ANKRD11: variants seen among roughly 807,000 people sequenced by gnomAD.
ANKRD11 encodes the protein ankyrin repeat domain-containing protein 11.
In ANKRD11, 17 loss-of-function variants were observed where a neutral mutation model predicts 195.7. That is an observed-to-expected ratio of 0.09 (90% CI 0.06 to 0.13). ANKRD11 has a LOEUF of 0.13. ANKRD11 is among the 10% of genes least tolerant of loss of function. The pLI, the probability that ANKRD11 is intolerant of heterozygous loss-of-function variation, is 1.00. For synonymous variants in ANKRD11, 1,953 were observed against 1,528.1 expected (o/e 1.28, Z -6.49); for missense variants, 3,735 against 3,566.1 (o/e 1.05, Z -1.21).
In ANKRD11 at chr16:89,271,253, TTAA is replaced by T. The variant is rs1444087037; in HGVS notation, c.7714-347_7714-345del. ...CTGGGAGAGACTTTTTTTTTTTTTT[TTAA>T]GAGACAGAGTTTCGCTTGTTGCCCA... On this transcript the variant is annotated intron_variant, in intron 11 of 12. Transcript: ENST00000301030. 4.4e-4 allele frequency: 154 copies of T among 353,358 alleles called. 1 individual carries two copies. The highest frequency in any genetic ancestry group is 9.3e-5 in the Non-Finnish European group (17 of 182,892). The allele number at this position is 353,358 out of a possible 1,614,324, so 21.9% of individuals were successfully genotyped here.
At chr16:89,329,724 TTAAATA>T (rs1392277172) in intron 2 of ANKRD11, among the ~76,000 whole-genome samples, 1 of 152,180 alleles carries the variant, frequency 6.6e-6, no homozygotes, top group Non-Finnish European at 1.5e-5. Flanking sequence ...ATTTAAAACA[TTAAATA>T]TAAAATGAGA....
At chr16:89,350,035 T>A (rs1282709462) in intron 2 of ANKRD11, among the ~76,000 whole-genome samples, 1 of 152,148 alleles carries the variant, frequency 6.6e-6, no homozygotes, top group East Asian at 1.9e-4. Flanking sequence ...TGAAGACACA[T>A]GCTTCACCAA....
In ANKRD11 at chr16:89,291,452, T is replaced by TCACTCCAGGCACCTCTCCTGGGC. The variant is rs1393052767; in HGVS notation, c.227-292_227-270dup. On this transcript the variant is annotated intron_variant, in intron 4 of 12. Coordinates refer to ENST00000301030, the MANE Select transcript of ANKRD11 (RefSeq NM_013275.6). This position sits in a 1 kb window ranked among gnomAD's most constrained non-coding sequence, Gnocchi z 5.3. ...GCCTGGGCCTCCACCGAGCATCCAC[T>TCACTCCAGGCACCTCTCCTGGGC]CACTCCAGGCACCTCTCCTGGGCCT... Among the ~76,000 whole-genome samples, 1 of 151,890 alleles carries TCACTCCAGGCACCTCTCCTGGGC rather than the reference T, an allele frequency of 6.6e-6. No homozygotes were observed. The highest frequency in any genetic ancestry group is 1.5e-5 in the Non-Finnish European group (1 of 67,934).
At chr16:89,483,043 G>C (rs76794310) in intron 1 of ANKRD11, among the ~76,000 whole-genome samples, 1 of 152,240 alleles carries the variant, frequency 6.6e-6, no homozygotes, top group African/African-American at 2.4e-5. Context: ...TTACAGCAGC[G>C]CTGGAAAACC....
chr16:89,300,472 G>T, intron 4 of ANKRD11: 1 of 204,498 alleles, frequency 4.9e-6, no homozygotes, highest in Non-Finnish European at 9.9e-6. Flanking sequence ...GCACAGCCTG[G>T]CCCCTGCTGC....
chr16:89,464,604 T>A, intron 1 of ANKRD11, among the ~76,000 whole-genome samples: 1 of 95,926 alleles, frequency 1.0e-5, no homozygotes, highest in Admixed American at 1.3e-4. Flanking sequence ...TGAGACTCCA[T>A]CTTAAAAAAA....
chr16:89,407,871 A>G (rs866715268), intron 2 of ANKRD11, among the ~76,000 whole-genome samples: 3,699 of 117,834 alleles, frequency 0.031, 113 homozygotes, highest in African/African-American at 0.084. Flanking sequence ...AAAAAAAAAA[A>G]AAGAAGAAGA....
chr16:89,486,237 A>G (rs371672557), intron 1 of ANKRD11, among the ~76,000 whole-genome samples: 48 of 152,246 alleles, frequency 3.2e-4, no homozygotes, highest in African/African-American at 1.1e-3. Flanking sequence ...CAACCCCAGA[A>G]GGCTGAGGCC....
rs565133942 is a variant in ANKRD11 at position 89,305,082 on chromosome 16, G to A, written c.226+124C>T. On this transcript the variant is annotated intron_variant, in intron 4 of 12. Coordinates refer to ENST00000301030, the MANE Select transcript of ANKRD11 (RefSeq NM_013275.6). ...GCCCCTGCTGCCTCTTGCCTGGACG[G>A]CGTGCAGGGTGCTAGAGTGCGTCCC... is the stretch of plus-strand genomic sequence containing the variant. The A allele has an allele frequency of 1.5e-4, 211 of 1,418,690 alleles. No individual in the cohort carries two copies. In the African/African-American group the frequency reaches 2.3e-3, roughly 15 times the overall value. The allele number at this position is 1,418,690 out of a possible 1,614,324, so 87.9% of individuals were successfully genotyped here.
Position 89,384,874 on chromosome 16 carries a change from GTTTTCTT to G in ANKRD11, c.-60+33403_-60+33409del, listed in dbSNP as rs1270189521. Among the ~76,000 whole-genome samples, 503 of 72,748 alleles carry G rather than the reference GTTTTCTT, an allele frequency of 6.9e-3. 9 individuals are homozygous for G. Among genetic ancestry groups the G allele is most frequent in the African/African-American group, 0.026 (463 of 17,766 alleles). The allele number at this position is 72,748 out of a possible 152,430, so 47.7% of individuals were successfully genotyped here. ...GTGTGGGAGCACACAATGAGAAATA[GTTTTCTT>G]TTTTTTTTTTTTTTTTTTTTTTTTT... is the stretch of plus-strand genomic sequence containing the variant. On this transcript the variant is annotated intron_variant, in intron 2 of 12. Transcript: ENST00000301030.
chr16:89,407,078 C>T (rs1194931894), intron 2 of ANKRD11, among the ~76,000 whole-genome samples: 1 of 151,422 alleles, frequency 6.6e-6, no homozygotes, highest in Non-Finnish European at 1.5e-5. Flanking sequence ...CCCAGGTACT[C>T]GGGAGGCTGA....
intron 2 of ANKRD11, chr16:89,339,762 T>C (rs890606405): frequency 6.6e-6 from 1 of 152,204 alleles, no homozygotes; most frequent in African/African-American, 2.4e-5. Context: ...AAATTACAAA[T>C]TACATAATGG....
rs1177134451 is a variant in ANKRD11, at chr16:89,332,240, A to G, written c.-59-15162T>C. ...CCTCACAATAAAGGATCATTTTACA[A>G]GCAGACTATAAACACTGAAACAGAC... is the stretch of plus-strand genomic sequence containing the variant. On this transcript the variant is annotated intron_variant, in intron 2 of 12. Transcript: ENST00000301030. 2.6e-5 allele frequency among the ~76,000 whole-genome samples: 4 copies of G among 152,366 alleles called. No individual in the cohort carries two copies. The East Asian group carries it at 7.7e-4, about 29-fold the overall frequency.
intron 1 of ANKRD11, among the ~76,000 whole-genome samples, chr16:89,432,094 C>T (rs981853100): frequency 6.6e-6 from 1 of 152,120 alleles, no homozygotes; most frequent in Non-Finnish European, 1.5e-5. Flanking sequence ...TCTCCACCTC[C>T]AGCCACACAC....
chr16:89,375,770 A>T (rs1432212568), intron 2 of ANKRD11, among the ~76,000 whole-genome samples: 2 of 4,122 alleles, frequency 4.9e-4, no homozygotes, highest in Non-Finnish European at 2.1e-3. Context: ...CCGTCTCTTA[A>T]AAAAAAAAAA....
chr16:89,338,064 G>A (rs1422466878), intron 2 of ANKRD11, among the ~76,000 whole-genome samples: 8 of 152,172 alleles, frequency 5.3e-5, no homozygotes, highest in South Asian at 4.1e-4. Context: ...CCACTGTGTC[G>A]CGCTCTGCCA....
At chr16:89,423,538 A>G (rs2042597611) in intron 1 of ANKRD11, among the ~76,000 whole-genome samples, 1 of 152,218 alleles carries the variant, frequency 6.6e-6, no homozygotes, top group Non-Finnish European at 1.5e-5. Context: ...ATGCACAGAG[A>G]AGGCATGAGA....
In ANKRD11 at chr16:89,291,236, T is replaced by C. The variant is rs1011610682; in HGVS notation, c.227-53A>G. On this transcript the variant is annotated intron_variant, in intron 4 of 12. Transcript: ENST00000301030. The surrounding 1 kb of genome is among the most constrained non-coding windows in gnomAD (Gnocchi z 5.3). ...GGAGAGATTTCATGCCATGGTGTCC[T>C]CCAAAGCTAGGTCCTTACCTAATGT... The C allele has an allele frequency of 6.2e-6, 10 of 1,604,236 alleles. No homozygotes were observed. Among genetic ancestry groups the C allele is most frequent in the Non-Finnish European group, 8.5e-6 (10 of 1,178,112 alleles).
At chr16:89,318,773 C>G (rs892726047) in intron 2 of ANKRD11, among the ~76,000 whole-genome samples, 4 of 152,200 alleles carry the variant, frequency 2.6e-5, no homozygotes, top group African/African-American at 9.7e-5. Flanking sequence ...GGTACAAGAA[C>G]ACAGGTGAAG....
Sources: allele counts gnomAD v4.1 joint callset (sites outside exome capture counted in the v4.1 genomes callset), GRCh38; gene constraint gnomAD v4.1.1; non-coding constraint Gnocchi (gnomAD v3.1); transcripts MANE v1.5; gene names NCBI Gene and HGNC (gene_info 2026-07-23, HGNC 2026-07-21).